MRTFA: variants seen among roughly 807,000 people sequenced by gnomAD.
MRTFA encodes the protein myocardin-related transcription factor A.
MRTFA carries 20 observed loss-of-function variants against 83.5 expected under a neutral mutation model. The ratio of observed to expected loss-of-function variants is 0.24; its 90% confidence interval spans 0.17 to 0.35. MRTFA has a LOEUF of 0.35. MRTFA is among the 10% of genes least tolerant of loss of function. The pLI is 1.00. For missense variants in MRTFA, 1,200 were observed against 1,224.7 expected, an observed-to-expected ratio of 0.98 and a Z score of 0.30; for synonymous variants, 659 against 541.2, an observed-to-expected ratio of 1.22 and a Z score of -3.02.
chr22:40,576,319 C>A (rs2055867980), intron 2 of MRTFA, among the ~76,000 whole-genome samples: 1 of 152,170 alleles, frequency 6.6e-6, no homozygotes, highest in Non-Finnish European at 1.5e-5. Flanking sequence ...GCATGAGCTA[C>A]CGCACCCAGC....
chr22:40,565,440 C>T (rs191634705), intron 2 of MRTFA, among the ~76,000 whole-genome samples: 6 of 152,174 alleles, frequency 3.9e-5, no homozygotes, highest in Admixed American at 2.0e-4. Context: ...TCAGTTACTC[C>T]GGGGGCTGAG....
chr22:40,560,627 A>G (rs1002391917), intron 2 of MRTFA, among the ~76,000 whole-genome samples: 1 of 152,224 alleles, frequency 6.6e-6, no homozygotes, highest in African/African-American at 2.4e-5. Context: ...TTATAACTCT[A>G]CTGAGTCTAA....
At chr22:40,462,351 T>C (rs985123730) in intron 4 of MRTFA, among the ~76,000 whole-genome samples, 3 of 152,168 alleles carry the variant, frequency 2.0e-5, no homozygotes, top group Non-Finnish European at 4.4e-5. Context: ...AATGAATGAA[T>C]GAATGAGAGC....
Position 40,609,915 on chromosome 22 carries a change from A to T in MRTFA, c.-83-15180T>A, listed in dbSNP as rs1228878041. On this transcript the variant is annotated intron_variant, in intron 1 of 14. Coordinates refer to ENST00000355630, the MANE Select transcript of MRTFA (RefSeq NM_020831.6). Reference sequence around the variant, plus strand: ...GATAAACGTATGTCCTCTTTAATATATTAATTCTAGCTTGAGCGTAAGTAC... The same window carrying T: ...GATAAACGTATGTCCTCTTTAATATTTTAATTCTAGCTTGAGCGTAAGTAC... 3.9e-5 allele frequency among the ~76,000 whole-genome samples: 6 copies of T among 152,294 alleles called. No individual in the cohort carries two copies. The East Asian group carries it at 1.2e-3, about 29-fold the overall frequency.
chr22:40,532,557 A>G (rs1196143431), intron 3 of MRTFA, among the ~76,000 whole-genome samples: 5 of 152,364 alleles, frequency 3.3e-5, no homozygotes, highest in East Asian at 1.9e-4. Context: ...CATTATGGTC[A>G]TATTAGTAAA....
At chr22:40,465,672 C>T (rs2053801479) in intron 3 of MRTFA, among the ~76,000 whole-genome samples, 1 of 152,124 alleles carries the variant, frequency 6.6e-6, no homozygotes, top group South Asian at 2.1e-4. Flanking sequence ...CAGATCCTCC[C>T]ACCTCAGCCT....
At chr22:40,611,536 C>A (rs1372972066) in intron 1 of MRTFA, among the ~76,000 whole-genome samples, 1 of 152,116 alleles carries the variant, frequency 6.6e-6, no homozygotes, top group Non-Finnish European at 1.5e-5. Context: ...TGAGCCACTG[C>A]GCCCTGCCCA....
chr22:40,527,928 A>C (rs1335839467), intron 3 of MRTFA, among the ~76,000 whole-genome samples: 1 of 152,150 alleles, frequency 6.6e-6, no homozygotes, highest in Non-Finnish European at 1.5e-5. Flanking sequence ...AGGAGGAAAA[A>C]AAAAGATGCA....
At chr22:40,532,995 A>T (rs993727142) in intron 3 of MRTFA, among the ~76,000 whole-genome samples, 1 of 152,226 alleles carries the variant, frequency 6.6e-6, no homozygotes, top group Non-Finnish European at 1.5e-5. Flanking sequence ...AAAGGGTTTT[A>T]AAAACTCTGA....
At chr22:40,444,376 G>A (rs1056891707) in intron 4 of MRTFA, among the ~76,000 whole-genome samples, 5 of 152,030 alleles carry the variant, frequency 3.3e-5, no homozygotes, top group Non-Finnish European at 2.9e-5. Context: ...AAGAGGGTGG[G>A]GCTGAAACAG....
At chr22:40,529,349 C>T (rs2055035062) in intron 3 of MRTFA, among the ~76,000 whole-genome samples, 1 of 152,082 alleles carries the variant, frequency 6.6e-6, no homozygotes, top group Non-Finnish European at 1.5e-5. Flanking sequence ...TGGAATCTTG[C>T]TGTGTCGCCC....
intron 2 of MRTFA, among the ~76,000 whole-genome samples, chr22:40,562,073 C>T (rs768763438): frequency 1.4e-4 from 22 of 152,016 alleles, no homozygotes; most frequent in Non-Finnish European, 2.8e-4. Flanking sequence ...AAAAATTAGC[C>T]GGACGTGGTG....
chr22:40,416,968 C>G lies in MRTFA; in HGVS notation c.2578+18G>C, dbSNP rs574490753. 1.1e-5 allele frequency: 18 copies of G among 1,586,540 alleles called. No individual in the cohort carries two copies. Among genetic ancestry groups the G allele is most frequent in the Non-Finnish European group, 1.4e-5 (16 of 1,166,106 alleles). On this transcript the variant is annotated intron_variant, in intron 14 of 14. Coordinates refer to ENST00000355630, the MANE Select transcript of MRTFA (RefSeq NM_020831.6). This position sits in a 1 kb window ranked among gnomAD's most constrained non-coding sequence, Gnocchi z 4.2. ...ACAGAGAAGGCCGTCAGGGAGGCAG[C>G]AGGGGACCTGGGGTTACCTCCGCTC...
intron 3 of MRTFA, among the ~76,000 whole-genome samples, chr22:40,484,073 A>G (rs1372390139): frequency 6.6e-6 from 1 of 151,624 alleles, no homozygotes; most frequent in African/African-American, 2.4e-5. Flanking sequence ...AAATTAGACC[A>G]TATGGGTTGG....
chr22:40,532,621 C>T (rs1398194987), intron 3 of MRTFA, among the ~76,000 whole-genome samples: 2 of 152,210 alleles, frequency 1.3e-5, no homozygotes, highest in Non-Finnish European at 2.9e-5. Context: ...CTTCCCTGAT[C>T]ATAAGCTTTA....
At chr22:40,472,108 T>G (rs190774989) in intron 3 of MRTFA, among the ~76,000 whole-genome samples, 3 of 152,336 alleles carry the variant, frequency 2.0e-5, no homozygotes, top group African/African-American at 7.2e-5. Flanking sequence ...TTCTGTATCC[T>G]TATCCCTGTA....
rs1434080886 is a variant in MRTFA, at chr22:40,479,585, A to G, written c.242-16299T>C. 2.0e-5 allele frequency among the ~76,000 whole-genome samples: 3 copies of G among 152,204 alleles called. No homozygotes were observed. In the East Asian group the frequency reaches 5.8e-4, roughly 29 times the overall value. On this transcript the variant is annotated intron_variant, in intron 3 of 14. Transcript: ENST00000355630. Reference sequence around the variant, plus strand: ...ATTGATGAATCAATTATGAAACACAACAAATGTCAGGTTTTTCAAACTGAA... The same window carrying G: ...ATTGATGAATCAATTATGAAACACAGCAAATGTCAGGTTTTTCAAACTGAA...
chr22:40,528,737 CAAAAAAA>C (rs11321951), intron 3 of MRTFA, among the ~76,000 whole-genome samples: 3 of 116,596 alleles, frequency 2.6e-5, no homozygotes, highest in South Asian at 5.9e-4. Flanking sequence ...AACTCTGCTT[CAAAAAAA>C]AAAAAAAAAA....
At chr22:40,615,081 A>G (rs1339043434) in intron 1 of MRTFA, among the ~76,000 whole-genome samples, 1 of 152,096 alleles carries the variant, frequency 6.6e-6, no homozygotes, top group Non-Finnish European at 1.5e-5. Context: ...AAGGTCTCAA[A>G]GATTTAGTCC....
Sources: gnomAD v4.1 joint callset for allele counts (sites outside exome capture counted in the v4.1 genomes callset) on GRCh38, gnomAD v4.1.1 for gene constraint, Gnocchi (gnomAD v3.1) non-coding constraint, MANE v1.5 for transcripts, NCBI Gene and HGNC (gene_info 2026-07-23, HGNC 2026-07-21) for gene names.